ALG1L2: variants seen among roughly 807,000 people sequenced by gnomAD.
ALG1L2 encodes ALG1 chitobiosyldiphosphodolichol beta-mannosyltransferase like 2.
A neutral mutation model predicts 29.0 loss-of-function variants in ALG1L2; 32 were observed. That is an observed-to-expected ratio of 1.10 (90% CI 0.83 to 1.48). The LOEUF (loss-of-function observed/expected upper bound fraction) is 1.48. ALG1L2 is among the 40% of genes most tolerant of loss of function. The pLI is 0.00. For synonymous variants in ALG1L2, 110 were observed against 109.5 expected (o/e 1.00, Z -0.03); for missense variants, 318 against 274.1 (o/e 1.16, Z -1.13).
chr3:130,086,317 G>A (rs1385743985), intron 1 of ALG1L2, among the ~76,000 whole-genome samples: 2 of 147,950 alleles, frequency 1.4e-5, no homozygotes, highest in African/African-American at 4.9e-5. Context: ...TGTCAAGCCA[G>A]GCATCACCTT....
chr3:130,089,089 C>G (rs1189991496), intron 1 of ALG1L2, among the ~76,000 whole-genome samples: 17 of 151,270 alleles, frequency 1.1e-4, no homozygotes, highest in South Asian at 4.2e-4. Flanking sequence ...CTCCTTGCAC[C>G]CCTGGCCCTT....
At chr3:130,091,790 C>T in intron 2 of ALG1L2, 2 of 620,506 alleles carry the variant, frequency 3.2e-6, no homozygotes, top group Admixed American at 4.3e-5. Flanking sequence ...GAGGTGTGCC[C>T]CTGGGTAAGC....
chr3:130,093,245 G>A, intron 4 of ALG1L2, 85 bp downstream of exon 4: 2 of 1,477,860 alleles, frequency 1.4e-6, no homozygotes, highest in Non-Finnish European at 1.9e-6. Context: ...TGCTTCCCAC[G>A]ATCTTGTCTC....
intron 3 of ALG1L2, among the ~76,000 whole-genome samples, 160 bp downstream of exon 3, chr3:130,092,382 C>T (rs1935037049): frequency 6.6e-6 from 1 of 151,826 alleles, no homozygotes; most frequent in African/African-American, 2.4e-5. Context: ...GAAACAGGCC[C>T]CTGACATTCA....
chr3:130,091,273 C>T lies in ALG1L2; in HGVS notation c.33C>T (p.Val11=). ...GATTTCATTGCAGGGCTGTGACCGT[C>T]TACGACAAGCCGGCATCTTTCTTTA... MGATAGWAVT[V]YDKPASFFKE... The change falls in exon 2 of 8, where the codon GTC becomes GTT. Residue 11 remains valine, a synonymous_variant. Coordinates refer to ENST00000425059, the MANE Select transcript of ALG1L2 (RefSeq NM_001136152.1). 6.3e-7 allele frequency: 1 copy of T among 1,599,436 alleles called. No individual in the cohort carries two copies. Among genetic ancestry groups the T allele is most frequent in the Non-Finnish European group, 8.5e-7 (1 of 1,179,716 alleles).
intron 3 of ALG1L2, among the ~76,000 whole-genome samples, chr3:130,092,730 T>C (rs536911268): frequency 6.6e-6 from 1 of 152,172 alleles, no homozygotes; most frequent in Non-Finnish European, 1.5e-5. Flanking sequence ...GGCTACTGTT[T>C]ATTTAAAAAT....
chr3:130,085,661 C>A, intron 1 of ALG1L2, among the ~76,000 whole-genome samples: 1 of 151,824 alleles, frequency 6.6e-6, no homozygotes, highest in Middle Eastern at 3.4e-3. Context: ...TACTGGGGGT[C>A]AGGACTCCAA....
rs751150117 is a variant in ALG1L2 at position 130,083,453 on chromosome 3, C to A, written c.20+1417C>A. Among the ~76,000 whole-genome samples the A allele has an allele frequency of 2.4e-5, 3 of 126,688 alleles. 1 individual carries two copies. Among genetic ancestry groups the A allele is most frequent in the Non-Finnish European group, 3.7e-5 (2 of 54,492 alleles). The allele number at this position is 126,688 out of a possible 152,430, so 83.1% of individuals were successfully genotyped here. A position where few individuals can be genotyped will look rare whatever the true frequency, so the allele number is the denominator to read the frequency against. The stretch of plus-strand genomic sequence containing the variant: ...GCAAGACTCTGTCTCGGGAAAAAAA[C>A]AAAAACAAACAAACAAACAAAAACA... On this transcript the variant is annotated intron_variant, in intron 1 of 7. Coordinates refer to ENST00000425059, the MANE Select transcript of ALG1L2 (RefSeq NM_001136152.1).
Position 130,092,345 on chromosome 3 carries a change from G to A in ALG1L2, c.253+123G>A, listed in dbSNP as rs115141677. On this transcript the variant is annotated intron_variant, in intron 3 of 7. Coordinates refer to ENST00000425059, the MANE Select transcript of ALG1L2 (RefSeq NM_001136152.1). ...CCACGGTCTCAGTGAGAAGGGGAGG[G>A]CGTGTGAGCTGGAAGAGTGGTGTCT... is the stretch of plus-strand genomic sequence containing the variant. The A allele has an allele frequency of 2.4e-4, 386 of 1,598,124 alleles. 1 individual carries two copies. The African/African-American group carries it at 3.4e-3, about 14-fold the overall frequency.
intron 7 of ALG1L2, 52 bp downstream of exon 7, chr3:130,097,302 C>T (rs1577331349): frequency 6.3e-7 from 1 of 1,592,700 alleles, no homozygotes; most frequent in Non-Finnish European, 8.5e-7. Flanking sequence ...GAGACTGGCA[C>T]CGAGCCATGC....
chr3:130,094,474 A>G lies in ALG1L2; in HGVS notation c.385A>G (p.Ile129Val), dbSNP rs1577329570. The change falls in exon 5 of 8, where the codon ATC becomes GTC. Residue 129 changes from isoleucine (I) to valine (V), a missense_variant. Physicochemically the swap from Ile to Val is conservative, Grantham distance 29 (BLOSUM62 3). Transcript: ENST00000425059. ...GCATTTCCAGCACATCCAGGTCTGC[A>G]TCCCCTGGCTGGAGGGCCGAGGACT... ...QKHFQHIQVC[I>V]PWLEGRGLPP... 9 of 1,595,888 alleles carry G rather than the reference A, an allele frequency of 5.6e-6. No individual in the cohort carries two copies. The highest frequency in any genetic ancestry group is 5.1e-6 in the Non-Finnish European group (6 of 1,179,614).
intron 1 of ALG1L2, among the ~76,000 whole-genome samples, chr3:130,087,981 C>G (rs778219061): frequency 5.9e-5 from 9 of 152,412 alleles, no homozygotes; most frequent in Non-Finnish European, 1.2e-4. Flanking sequence ...GCCAGCTTAG[C>G]CTTTAGTGTC....
intron 1 of ALG1L2, among the ~76,000 whole-genome samples, chr3:130,090,023 C>T (rs928772919): frequency 1.3e-5 from 2 of 151,914 alleles, no homozygotes; most frequent in African/African-American, 4.8e-5. Context: ...GCCTGGGGGA[C>T]AAAAGTGAAA....
intron 5 of ALG1L2, 71 bp from the exon 6 acceptor site, chr3:130,095,978 C>T (rs1935122225): frequency 6.7e-7 from 1 of 1,483,168 alleles, no homozygotes. Flanking sequence ...GGTGTTGCCT[C>T]ACTGTGCTGG....
At chr3:130,095,131 A>G (rs533913590) in intron 5 of ALG1L2, among the ~76,000 whole-genome samples, 1 of 152,168 alleles carries the variant, frequency 6.6e-6, no homozygotes, top group South Asian at 2.1e-4. Flanking sequence ...GGGTTCAAGC[A>G]ATTCTCCCAC....
rs900837849 is a variant in ALG1L2 at position 130,096,283 on chromosome 3, C to T, written c.539+120C>T. 154 of 1,127,558 alleles carry T rather than the reference C, an allele frequency of 1.4e-4. No individual in the cohort carries two copies. In the African/African-American group the frequency reaches 2.1e-3, roughly 15 times the overall value. The allele number at this position is 1,127,558 out of a possible 1,614,324, so 69.8% of individuals were successfully genotyped here. ...TGCCCCTCGGTCAGTCCAGCACACA[C>T]TGGAGGCCACGAGGAGGAGCCCTGC... is the stretch of plus-strand genomic sequence containing the variant. On this transcript the variant is annotated intron_variant, in intron 6 of 7. Coordinates refer to ENST00000425059, the MANE Select transcript of ALG1L2 (RefSeq NM_001136152.1).
intron 7 of ALG1L2, among the ~76,000 whole-genome samples, chr3:130,097,934 C>T (rs1252887030): frequency 6.6e-6 from 1 of 152,220 alleles, no homozygotes; most frequent in African/African-American, 2.4e-5. Flanking sequence ...ATGGGTGGGA[C>T]TGTGTTGGCC....
intron 7 of ALG1L2, among the ~76,000 whole-genome samples, chr3:130,097,836 G>A (rs1935176064): frequency 6.6e-6 from 1 of 152,210 alleles, no homozygotes; most frequent in Non-Finnish European, 1.5e-5. Flanking sequence ...CAGGCTGTGG[G>A]CTGGATTTGG....
chr3:130,096,688 T>C (rs976500079), intron 6 of ALG1L2, among the ~76,000 whole-genome samples: 31 of 152,142 alleles, frequency 2.0e-4, no homozygotes, highest in African/African-American at 7.2e-4. Context: ...CTAGAAGCAG[T>C]AGCCCCAGCA....
Sources: gnomAD v4.1 joint callset for allele counts (sites outside exome capture counted in the v4.1 genomes callset) on GRCh38, gnomAD v4.1.1 for gene constraint, MANE v1.5 for transcripts, NCBI Gene and HGNC (gene_info 2026-07-23, HGNC 2026-07-21) for gene names.